The following SWAP70 variants were observed in gnomAD, a reference collection of about 807,000 sequenced individuals.
SWAP70 encodes switching B cell complex subunit SWAP70, also known as switch-associated protein 70.
SWAP70 carries 34 observed loss-of-function variants against 80.2 expected under a neutral mutation model. The observed-to-expected ratio is 0.42, with a 90% CI of 0.32 to 0.56. The LOEUF (loss-of-function observed/expected upper bound fraction) is 0.56, where lower values mean the gene tolerates loss of function less well. SWAP70 is among the 20% of genes least tolerant of loss of function. SWAP70 has a pLI of 0.09. For synonymous variants in SWAP70, 239 were observed against 238.5 expected (o/e 1.00, Z -0.02); for missense variants, 578 against 690.7 (o/e 0.84, Z 1.83).
At chr11:9,693,235 A>G (rs548861650) in intron 1 of SWAP70, among the ~76,000 whole-genome samples, 1 of 152,338 alleles carries the variant, frequency 6.6e-6, no homozygotes, top group East Asian at 1.9e-4. Context: ...ATGTAATTTG[A>G]CCTGTTCAGA....
At chr11:9,681,428 A>G (rs890644005) in intron 1 of SWAP70, among the ~76,000 whole-genome samples, 5 of 152,246 alleles carry the variant, frequency 3.3e-5, no homozygotes, top group Admixed American at 1.3e-4. Flanking sequence ...AGTCTGTCTT[A>G]GAATTAGTTC....
At chr11:9,697,281 T>G (rs1387477295) in intron 2 of SWAP70, among the ~76,000 whole-genome samples, 1 of 151,932 alleles carries the variant, frequency 6.6e-6, no homozygotes, top group Admixed American at 6.6e-5. Context: ...ATTCTTTTTT[T>G]TTTTTGAGAT....
intron 9 of SWAP70, among the ~76,000 whole-genome samples, chr11:9,745,967 G>A (rs1436272482): frequency 6.6e-6 from 1 of 152,210 alleles, no homozygotes; most frequent in Non-Finnish European, 1.5e-5. Flanking sequence ...CCCAACTACA[G>A]CCCAAGCCAG....
intron 1 of SWAP70, among the ~76,000 whole-genome samples, chr11:9,677,205 T>C (rs970990055): frequency 5.9e-5 from 9 of 152,180 alleles, no homozygotes; most frequent in African/African-American, 2.2e-4. Context: ...GGCATCTTAT[T>C]TGAAGTAGAA....
At chr11:9,749,234 A>G in intron 11 of SWAP70, 51 bp downstream of exon 11, 1 of 996,050 alleles carries the variant, frequency 1.0e-6, no homozygotes, top group Non-Finnish European at 1.3e-6. Flanking sequence ...TTTCATTTTT[A>G]TTTTATTTAA....
intron 3 of SWAP70, among the ~76,000 whole-genome samples, chr11:9,722,146 C>T (rs1001849970): frequency 2.6e-5 from 4 of 152,188 alleles, no homozygotes; most frequent in African/African-American, 9.7e-5. Flanking sequence ...ATGTGATGGG[C>T]ATTGTGCAAA....
At chr11:9,712,871 A>AT (rs1465240325) in intron 2 of SWAP70, among the ~76,000 whole-genome samples, 1 of 148,798 alleles carries the variant, frequency 6.7e-6, no homozygotes, top group Non-Finnish European at 1.5e-5. Context: ...TAATTTTTGT[A>AT]TTTTTACTAG....
At chr11:9,676,928 C>T (rs1850509018) in intron 1 of SWAP70, among the ~76,000 whole-genome samples, 1 of 152,146 alleles carries the variant, frequency 6.6e-6, no homozygotes, top group Non-Finnish European at 1.5e-5. Flanking sequence ...GCTGGGATTA[C>T]AGGCGTGAGC....
At chr11:9,694,367 G>T in intron 2 of SWAP70, 81 bp downstream of exon 2, 1 of 1,415,366 alleles carries the variant, frequency 7.1e-7, no homozygotes. Flanking sequence ...CTGTTGGTGA[G>T]TTCACTAAGG....
At chr11:9,674,866 G>A (rs1190128031) in intron 1 of SWAP70, among the ~76,000 whole-genome samples, 1 of 151,858 alleles carries the variant, frequency 6.6e-6, no homozygotes, top group Admixed American at 6.6e-5. Context: ...CTACTCGGGA[G>A]GCTGAGGCAG....
intron 2 of SWAP70, among the ~76,000 whole-genome samples, chr11:9,707,651 G>T (rs1308302983): frequency 6.6e-6 from 1 of 150,478 alleles, no homozygotes; most frequent in African/African-American, 2.5e-5. Flanking sequence ...CACCTCTGGG[G>T]TTCAAGTGAC....
chr11:9,687,306 C>CACAACAA (rs925187746), intron 1 of SWAP70, among the ~76,000 whole-genome samples: 3 of 152,132 alleles, frequency 2.0e-5, no homozygotes, highest in African/African-American at 7.2e-5. Context: ...AAATATAATA[C>CACAACAA]ACAACAAACA....
At chr11:9,672,073 ATAAT>A (rs1331244313) in intron 1 of SWAP70, among the ~76,000 whole-genome samples, 1 of 126,880 alleles carries the variant, frequency 7.9e-6, no homozygotes, top group Non-Finnish European at 1.6e-5. Context: ...TATAAAATAT[ATAAT>A]TAAATAATAA....
chr11:9,749,861 T>G lies in SWAP70; in HGVS notation c.1652-3T>G. 6.3e-7 allele frequency: 1 copy of G among 1,599,624 alleles called. No homozygotes were observed. The highest frequency in any genetic ancestry group is 8.6e-7 in the Non-Finnish European group (1 of 1,166,914). On this transcript the variant is annotated splice_region_variant and splice_polypyrimidine_tract_variant and intron_variant, in intron 11 of 11. Coordinates refer to ENST00000318950, the MANE Select transcript of SWAP70 (RefSeq NM_015055.4). Reference sequence around the variant, plus strand: ...CTGTATTTAAAGCATGTTTGCCTCTTAGGTTCAAAGAACCCTCACCTGATC... The same window carrying G: ...CTGTATTTAAAGCATGTTTGCCTCTGAGGTTCAAAGAACCCTCACCTGATC...
intron 10 of SWAP70, among the ~76,000 whole-genome samples, chr11:9,748,530 G>C (rs1434886953): frequency 1.3e-5 from 2 of 152,198 alleles, no homozygotes; most frequent in South Asian, 4.1e-4. Context: ...TCACTGGGAG[G>C]CCACCGGCAA....
chr11:9,668,030 A>AGGT (rs1176182976), intron 1 of SWAP70, among the ~76,000 whole-genome samples: 1 of 152,154 alleles, frequency 6.6e-6, no homozygotes, highest in Non-Finnish European at 1.5e-5. Flanking sequence ...CTGGGATTAC[A>AGGT]GGTGCCCACT....
intron 9 of SWAP70, chr11:9,741,626 G>T (rs973784358): frequency 6.6e-5 from 10 of 152,270 alleles, no homozygotes; most frequent in Non-Finnish European, 1.5e-4. Flanking sequence ...ATGTATTACT[G>T]CAGTTTTGTG....
intron 2 of SWAP70, among the ~76,000 whole-genome samples, chr11:9,711,391 A>ATG (rs1185931268): frequency 2.5e-3 from 374 of 151,314 alleles, no homozygotes; most frequent in African/African-American, 4.5e-3. Context: ...TTTGCCTTTT[A>ATG]TGTGTGTGTG....
intron 4 of SWAP70, chr11:9,726,980 T>G (rs1194308650): frequency 2.2e-6 from 1 of 456,228 alleles, no homozygotes. Context: ...GAGGTGGAAG[T>G]CCTTGAATAT....
Sources: gnomAD v4.1 joint callset for allele counts (sites outside exome capture counted in the v4.1 genomes callset) on GRCh38, gnomAD v4.1.1 for gene constraint, MANE v1.5 for transcripts, NCBI Gene and HGNC (gene_info 2026-07-23, HGNC 2026-07-21) for gene names.